The following USP31 variants were observed in gnomAD, a reference collection of about 807,000 sequenced individuals.
USP31 encodes ubiquitin specific peptidase 31, also known as ubiquitin carboxyl-terminal hydrolase 31.
Under a neutral mutation model 119.4 loss-of-function variants are expected in USP31, and 44 were observed. That is an observed-to-expected ratio of 0.37 (90% CI 0.29 to 0.47). The LOEUF (loss-of-function observed/expected upper bound fraction) is 0.47, where lower values mean the gene tolerates loss of function less well. USP31 is among the 20% of genes least tolerant of loss of function. USP31 has a pLI of 0.99. For synonymous variants in USP31, 749 were observed against 705.6 expected (o/e 1.06, Z -0.97); for missense variants, 1,643 against 1,730.2 (o/e 0.95, Z 0.89).
rs147429161 is a variant in USP31 at position 23,147,745 on chromosome 16, C to G, written c.633+893G>C. Among the ~76,000 whole-genome samples the G allele has an allele frequency of 4.7e-3, 721 of 152,192 alleles. 4 individuals are homozygous for G. Among genetic ancestry groups the G allele is most frequent in the Middle Eastern group, 0.014 (4 of 294 alleles). On this transcript the variant is annotated intron_variant, in intron 1 of 15. Transcript: ENST00000219689. ...GAGTTCAAGACCAGTCTGGGCAACA[C>G]AGCAAAACCCCCGTCTCTACAAAAG...
At chr16:23,069,727 T>C in intron 15 of USP31, 111 bp from the exon 16 acceptor site, 2 of 1,398,048 alleles carry the variant, frequency 1.4e-6, no homozygotes, top group Non-Finnish European at 1.9e-6. Context: ...GAAAGGAGCA[T>C]GACCTTCAGA....
At chr16:23,139,388 G>A (rs751670501) in intron 1 of USP31, among the ~76,000 whole-genome samples, 1 of 152,182 alleles carries the variant, frequency 6.6e-6, no homozygotes, top group Admixed American at 6.5e-5. Context: ...TGCAGCCTGG[G>A]CAACAGAGCA....
At chr16:23,124,199 C>T (rs1318823030) in intron 1 of USP31, among the ~76,000 whole-genome samples, 2 of 152,140 alleles carry the variant, frequency 1.3e-5, no homozygotes, top group Non-Finnish European at 2.9e-5. Flanking sequence ...AAAGAAACCT[C>T]CACATTACCT....
intron 1 of USP31, among the ~76,000 whole-genome samples, chr16:23,132,691 T>C (rs930895606): frequency 2.0e-5 from 3 of 152,222 alleles, no homozygotes; most frequent in African/African-American, 7.2e-5. Flanking sequence ...CATTGCACAG[T>C]ACCTGAAAAT....
rs181203306 is a variant in USP31 at position 23,065,039 on chromosome 16, T to G, written c.*3007A>C. On this transcript the variant is annotated 3_prime_UTR_variant, in exon 16 of 16. Coordinates refer to ENST00000219689, the MANE Select transcript of USP31 (RefSeq NM_020718.4). ...AGCCTAACGGTTTGAGTTTCCACAT[T>G]ATCTAAGGGATTACCAAGGCAAGAT... The G allele has an allele frequency of 1.3e-4, 20 of 152,246 alleles. No homozygotes were observed. Among genetic ancestry groups the G allele is most frequent in the Non-Finnish European group, 2.6e-4 (18 of 68,014 alleles). The allele number at this position is 152,246 out of a possible 1,614,324, so 9.4% of individuals were successfully genotyped here.
chr16:23,147,319 G>C (rs1315899121), intron 1 of USP31, among the ~76,000 whole-genome samples: 2 of 152,086 alleles, frequency 1.3e-5, no homozygotes, highest in Non-Finnish European at 2.9e-5. Context: ...TGTTGGTCAG[G>C]CTGGTCTCGA....
At chr16:23,105,705 A>G (rs1264565989) in intron 4 of USP31, 129 bp from the exon 5 acceptor site, 8 of 1,094,870 alleles carry the variant, frequency 7.3e-6, no homozygotes, top group East Asian at 3.0e-5. Context: ...CGGAAGCCCA[A>G]ATGGAAAAAT....
intron 1 of USP31, among the ~76,000 whole-genome samples, chr16:23,146,960 T>A (rs1335534792): frequency 2.1e-5 from 3 of 145,008 alleles, no homozygotes; most frequent in African/African-American, 7.6e-5. Context: ...TGAAGCTTGT[T>A]CTGTTTAAAA....
intron 7 of USP31, 59 bp from the exon 8 acceptor site, chr16:23,087,894 ATCT>A: frequency 6.9e-7 from 1 of 1,443,078 alleles, no homozygotes; most frequent in South Asian, 1.2e-5. Flanking sequence ...TAACACTGTT[ATCT>A]TTTTTTCTCG....
intron 1 of USP31, among the ~76,000 whole-genome samples, chr16:23,115,152 A>G (rs1180314470): frequency 1.3e-5 from 2 of 152,192 alleles, no homozygotes; most frequent in East Asian, 3.9e-4. Flanking sequence ...AGAGTCCCGG[A>G]AAGTGATCTG....
chr16:23,117,423 G>A (rs4967973), intron 1 of USP31, among the ~76,000 whole-genome samples: 41,564 of 152,170 alleles, frequency 0.27, 6,111 homozygotes, highest in Admixed American at 0.34. Context: ...AGAAAAGGCT[G>A]TAATAAAGGG....
Position 23,073,728 on chromosome 16 carries a change from C to T in USP31, c.2329G>A (p.Val777Met), listed in dbSNP as rs751011230. 5.0e-6 allele frequency: 8 copies of T among 1,611,552 alleles called. No homozygotes were observed. In the East Asian group the frequency reaches 1.3e-4, roughly 27 times the overall value. ...GAACAAGAGTGGACCTCACCTGCCA[C>T]CGAGCTGTTGGCTGACCATGACGGG... ...AIPSWSANSS[V>M]AGSTSSSLCE... The change falls in exon 14 of 16, where the codon GTG (valine) becomes ATG (methionine). Residue 777 changes from valine (V) to methionine (M), a missense_variant. This residue lies in a region of USP31 where 279 missense variants were observed against 372.2 expected (regional missense o/e 0.75). Transcript: ENST00000219689.
intron 1 of USP31, among the ~76,000 whole-genome samples, chr16:23,143,589 G>T (rs539201074): frequency 2.0e-5 from 3 of 151,214 alleles, no homozygotes; most frequent in South Asian, 2.1e-4. Context: ...AGAGGTTGGG[G>T]GGGGGGAGAG....
At chr16:23,085,455 C>A in intron 10 of USP31, 130 bp downstream of exon 10, 1 of 826,942 alleles carries the variant, frequency 1.2e-6, no homozygotes. Flanking sequence ...AAAGGGTTAA[C>A]AACACACCTG....
rs753331996 is a variant in USP31, at chr16:23,102,357, G to A, written c.1196C>T (p.Pro399Leu). The change falls in exon 6 of 16, where the codon CCC (proline) becomes CTC (leucine). Residue 399 changes from proline to leucine, a missense_variant. Pro to Leu is a moderately conservative substitution (Grantham distance 98). Coordinates refer to ENST00000219689, the MANE Select transcript of USP31 (RefSeq NM_020718.4). Reference sequence around the variant, plus strand: ...AATTCCTTCAGGCCTAAATATTTCGGGAGTCTCAAAGGCAAAAATGCAGTC... The same window carrying A: ...AATTCCTTCAGGCCTAAATATTTCGAGAGTCTCAAAGGCAAAAATGCAGTC... ...ESDCIFAFET[P>L]EIFRPEGILS... is the part of the protein sequence containing the mutation. 2 of 1,613,442 alleles carry A rather than the reference G, an allele frequency of 1.2e-6. No homozygotes were observed. Among genetic ancestry groups the A allele is most frequent in the South Asian group, 2.2e-5 (2 of 91,050 alleles).
chr16:23,105,561 A>G lies in USP31; in HGVS notation c.969T>C (p.Thr323=), dbSNP rs748717570. The G allele has an allele frequency of 6.2e-7, 1 of 1,613,952 alleles. No individual in the cohort carries two copies. Among genetic ancestry groups the G allele is most frequent in the South Asian group, 1.1e-5 (1 of 91,050 alleles). The change falls in exon 5 of 16, where the codon ACT becomes ACC. Residue 323 remains threonine (T), a synonymous_variant. Transcript: ENST00000219689. ...GAGAACATTTGCCTTGATACACTAC[A>G]GTGACATAGAGAGGCCTGTACAGAT... is the stretch of plus-strand genomic sequence containing the variant. ...PLPHTRPLYV[T]VVYQGKCSHC...
chr16:23,084,962 A>G lies in USP31; in HGVS notation c.1728T>C (p.Tyr576=), dbSNP rs762227784. Residue 576 remains tyrosine (Y), a synonymous_variant, in exon 11 of 16, where the codon TAT becomes TAC. Transcript: ENST00000219689. The stretch of plus-strand genomic sequence containing the variant: ...GACGAACACTTTCTGCATCAGGAAT[A>G]TACTCATCCTCAGTATTTACAAATA... ...DFLFVNTEDE[Y]IPDAESVRLQ... 5.3e-5 allele frequency: 86 copies of G among 1,614,004 alleles called. No individual in the cohort carries two copies. The highest frequency in any genetic ancestry group is 7.2e-5 in the Non-Finnish European group (85 of 1,180,006).
intron 1 of USP31, among the ~76,000 whole-genome samples, chr16:23,141,510 T>G (rs1057435206): frequency 1.3e-5 from 2 of 152,190 alleles, no homozygotes; most frequent in Admixed American, 1.3e-4. Flanking sequence ...CCGAAGTAGC[T>G]GGAACCACAG....
At chr16:23,087,983 T>C (rs1212688596) in intron 7 of USP31, 148 bp from the exon 8 acceptor site, 7 of 665,296 alleles carry the variant, frequency 1.1e-5, no homozygotes, top group Non-Finnish European at 1.0e-5. Context: ...AATTTAATGG[T>C]AACTCTTCAT....
Sources: allele counts gnomAD v4.1 joint callset (sites outside exome capture counted in the v4.1 genomes callset), GRCh38; gene constraint gnomAD v4.1.1; regional missense constraint gnomAD v4.1.1; transcripts MANE v1.5; gene names NCBI Gene and HGNC (gene_info 2026-07-23, HGNC 2026-07-21).